The following SEMA6D variants were observed in gnomAD, a reference collection of about 807,000 sequenced individuals.
The protein encoded by SEMA6D is semaphorin-6D.
In SEMA6D, 35 loss-of-function variants were observed where a neutral mutation model predicts 106.6. That is an observed-to-expected ratio of 0.33 (90% CI 0.25 to 0.44). SEMA6D has a LOEUF of 0.44. SEMA6D is among the 20% of genes least tolerant of loss of function. The probability of loss-of-function intolerance (pLI) is 1.00; values close to 1 mark genes in which losing one functional copy is unlikely to be tolerated. For synonymous variants in SEMA6D, 499 were observed against 487.7 expected (o/e 1.02, Z -0.31); for missense variants, 1,185 against 1,345.9 (o/e 0.88, Z 1.87).
intron 2 of SEMA6D, among the ~76,000 whole-genome samples, chr15:47,435,679 G>C (rs1273533674): frequency 6.6e-6 from 1 of 151,982 alleles, no homozygotes; most frequent in Non-Finnish European, 1.5e-5. Flanking sequence ...ACTGAGTTAA[G>C]TTTACCCTTT....
chr15:47,543,746 A>G (rs186836965), intron 3 of SEMA6D, among the ~76,000 whole-genome samples: 4 of 152,240 alleles, frequency 2.6e-5, no homozygotes, highest in African/African-American at 4.8e-5. Context: ...CTGGAATACT[A>G]TAACTGTTGG....
intron 1 of SEMA6D, among the ~76,000 whole-genome samples, chr15:47,306,699 A>G (rs1025160022): frequency 2.8e-4 from 43 of 152,264 alleles, no homozygotes; most frequent in African/African-American, 9.9e-4. Context: ...TGGGCCACAT[A>G]GTGAGACTCT....
intron 1 of SEMA6D, among the ~76,000 whole-genome samples, chr15:47,234,466 A>G (rs2032412522): frequency 1.3e-5 from 2 of 151,952 alleles, no homozygotes; most frequent in Admixed American, 6.6e-5. Flanking sequence ...ATTGTACTCA[A>G]TGTGTAATCT....
At position 47,195,759 on chromosome 15, in the gene SEMA6D, C is replaced by G. The variant is rs73397039; in HGVS notation, c.-239+11341C>G. On this transcript the variant is annotated intron_variant, in intron 1 of 19. Coordinates refer to the SEMA6D transcript ENST00000558014. Reference sequence around the variant, plus strand: ...ATTTATCATGAATGAGCACAGCCTTCTATTCTCTTGTCTACCTCTTCATCC... The same window carrying G: ...ATTTATCATGAATGAGCACAGCCTTGTATTCTCTTGTCTACCTCTTCATCC... Among the ~76,000 whole-genome samples the G allele has an allele frequency of 8.3e-3, 1,262 of 152,252 alleles. 11 individuals are homozygous for G. Among genetic ancestry groups the G allele is most frequent in the African/African-American group, 0.029 (1,212 of 41,548 alleles).
At chr15:47,734,675 A>T (rs538907528) in intron 1 of SEMA6D, among the ~76,000 whole-genome samples, 13 of 152,300 alleles carry the variant, frequency 8.5e-5, no homozygotes, top group Admixed American at 3.3e-4. Context: ...CAGACTACAC[A>T]TGGTCTCCAA....
chr15:47,231,675 T>C (rs2032205115), intron 1 of SEMA6D, among the ~76,000 whole-genome samples: 2 of 152,012 alleles, frequency 1.3e-5, no homozygotes, highest in South Asian at 4.1e-4. Context: ...TCTTATTACA[T>C]AAAACTGTGC....
chr15:47,298,598 A>G (rs527745201), intron 1 of SEMA6D, among the ~76,000 whole-genome samples: 136 of 152,096 alleles, frequency 8.9e-4, no homozygotes, highest in Non-Finnish European at 1.5e-3. Flanking sequence ...AAAATGACCC[A>G]TTACGTCTGT....
intron 4 of SEMA6D, among the ~76,000 whole-genome samples, chr15:47,703,573 C>G (rs764629383): frequency 1.3e-5 from 2 of 152,038 alleles, no homozygotes; most frequent in African/African-American, 4.8e-5. Context: ...TCCAGAAACT[C>G]CTGCAGAGAA....
At chr15:47,507,060 G>A (rs1426754004) in intron 3 of SEMA6D, among the ~76,000 whole-genome samples, 1 of 152,152 alleles carries the variant, frequency 6.6e-6, no homozygotes, top group Admixed American at 6.5e-5. Context: ...AACTTGAAAA[G>A]GGTGTTGTTT....
At chr15:47,593,743 A>C (rs143935275) in intron 3 of SEMA6D, among the ~76,000 whole-genome samples, 26 of 152,292 alleles carry the variant, frequency 1.7e-4, no homozygotes, top group South Asian at 1.5e-3. Context: ...CATCTGTTCC[A>C]CTTCAGAGGA....
chr15:47,368,850 C>T (rs550400776), intron 1 of SEMA6D, among the ~76,000 whole-genome samples: 3 of 152,280 alleles, frequency 2.0e-5, no homozygotes, highest in Admixed American at 6.5e-5. Flanking sequence ...CCTCAGATTT[C>T]CCCTGGAGAG....
At chr15:47,657,895 C>G (rs1361358941) in intron 4 of SEMA6D, among the ~76,000 whole-genome samples, 1 of 151,352 alleles carries the variant, frequency 6.6e-6, no homozygotes, top group Non-Finnish European at 1.5e-5. Context: ...GACCCCCCAC[C>G]ACGCCCGGCT....
At chr15:47,543,674 T>G (rs2045427387) in intron 3 of SEMA6D, among the ~76,000 whole-genome samples, 2 of 152,104 alleles carry the variant, frequency 1.3e-5, no homozygotes, top group Admixed American at 1.3e-4. Flanking sequence ...TTCCACCTTT[T>G]TAAATTATTT....
At chr15:47,255,554 T>A (rs1431657415) in intron 1 of SEMA6D, among the ~76,000 whole-genome samples, 1 of 152,114 alleles carries the variant, frequency 6.6e-6, no homozygotes, top group Non-Finnish European at 1.5e-5. Flanking sequence ...ACTTTTTTGA[T>A]ATAGGAGATT....
chr15:47,454,873 A>G (rs2042301024), intron 2 of SEMA6D, among the ~76,000 whole-genome samples: 1 of 151,916 alleles, frequency 6.6e-6, no homozygotes, highest in Non-Finnish European at 1.5e-5. Context: ...CTCTGCAGTC[A>G]GTGTCTAAAT....
chr15:47,490,574 G>A (rs544844280), intron 3 of SEMA6D, among the ~76,000 whole-genome samples: 1 of 152,334 alleles, frequency 6.6e-6, no homozygotes, highest in East Asian at 1.9e-4. Context: ...GAACCCAGGA[G>A]GTGGAGGTTG....
At chr15:47,722,075 C>A (rs1257823970) in intron 1 of SEMA6D, among the ~76,000 whole-genome samples, 4 of 152,150 alleles carry the variant, frequency 2.6e-5, no homozygotes, top group African/African-American at 9.7e-5. Context: ...CTGTCCCAGG[C>A]CCCTCATCCA....
chr15:47,191,644 C>A (rs1271639800), intron 1 of SEMA6D, among the ~76,000 whole-genome samples: 1 of 152,114 alleles, frequency 6.6e-6, no homozygotes, highest in Non-Finnish European at 1.5e-5. Flanking sequence ...AAGGTCCCTG[C>A]TCTGAAGGTA....
At chr15:47,406,501 C>T (rs2040572912) in intron 1 of SEMA6D, among the ~76,000 whole-genome samples, 1 of 152,132 alleles carries the variant, frequency 6.6e-6, no homozygotes, top group African/African-American at 2.4e-5. Flanking sequence ...AACAAAAATA[C>T]ACTTTCCATT....
Sources: allele counts gnomAD v4.1 joint callset (sites outside exome capture counted in the v4.1 genomes callset), GRCh38; gene constraint gnomAD v4.1.1; transcripts MANE v1.5; gene names NCBI Gene and HGNC (gene_info 2026-07-23, HGNC 2026-07-21).